EPB41L1: variants seen among roughly 807,000 people sequenced by gnomAD.
EPB41L1 encodes the protein band 4.1-like protein 1.
EPB41L1 carries 29 observed loss-of-function variants against 97.8 expected under a neutral mutation model. The ratio of observed to expected loss-of-function variants is 0.30; its 90% CI spans 0.22 to 0.40. The LOEUF (loss-of-function observed/expected upper bound fraction) is 0.40. EPB41L1 is among the 10% of genes least tolerant of loss of function. The pLI is 1.00. For missense variants in EPB41L1, 812 were observed against 1,162.3 expected (o/e 0.70, Z 4.38); for synonymous variants, 383 against 459.2 (o/e 0.83, Z 2.12).
At chr20:36,137,239 G>A (rs913743651) in intron 2 of EPB41L1, among the ~76,000 whole-genome samples, 1 of 151,010 alleles carries the variant, frequency 6.6e-6, no homozygotes, top group Non-Finnish European at 1.5e-5. Flanking sequence ...ATCACACCTG[G>A]CTAATTTTTT....
intron 1 of EPB41L1, among the ~76,000 whole-genome samples, chr20:36,109,198 C>T (rs537175917): frequency 3.3e-5 from 5 of 152,204 alleles, no homozygotes; most frequent in Admixed American, 6.5e-5. Context: ...CCGCCTGCCT[C>T]GGCCTCCCAA....
intron 3 of EPB41L1, among the ~76,000 whole-genome samples, chr20:36,176,433 G>T (rs1028353757): frequency 6.6e-6 from 1 of 152,102 alleles, no homozygotes; most frequent in African/African-American, 2.4e-5. Flanking sequence ...GGCAGCATTC[G>T]TGGCCCTTCT....
At position 36,136,334 on chromosome 20, in the gene EPB41L1, CTAAGT is replaced by C. The variant is rs1199638741; in HGVS notation, c.-10+23856_-10+23860del. On this transcript the variant is annotated intron_variant, in intron 2 of 19. Coordinates refer to the EPB41L1 transcript ENST00000202028. ...TACAGGCACATGCAACTGTGCCCGG[CTAAGT>C]TTTTTTTTTTTTTTTTTTTTTGGAG... is the stretch of plus-strand genomic sequence containing the variant. 2.8e-5 allele frequency among the ~76,000 whole-genome samples: 4 copies of C among 145,424 alleles called. No individual in the cohort carries two copies. The East Asian group carries it at 8.1e-4, about 30-fold the overall frequency.
intron 2 of EPB41L1, among the ~76,000 whole-genome samples, chr20:36,146,914 A>C (rs1431323565): frequency 6.6e-6 from 1 of 152,132 alleles, no homozygotes; most frequent in Non-Finnish European, 1.5e-5. Flanking sequence ...TGGGAGGCCA[A>C]GGTGAGTAGA....
chr20:36,133,086 C>G (rs2059282010), intron 2 of EPB41L1, among the ~76,000 whole-genome samples: 1 of 152,250 alleles, frequency 6.6e-6, no homozygotes, highest in Non-Finnish European at 1.5e-5. Context: ...CCCATAATTA[C>G]TTTATTATGT....
At chr20:36,174,481 C>T (rs2061139197) in intron 2 of EPB41L1, among the ~76,000 whole-genome samples, 1 of 152,092 alleles carries the variant, frequency 6.6e-6, no homozygotes, top group Admixed American at 6.5e-5. Flanking sequence ...CCATATTGGC[C>T]AGGCTGGTCT....
intron 13 of EPB41L1, chr20:36,197,540 T>A (rs769083217): frequency 1.4e-4 from 100 of 714,472 alleles, no homozygotes; most frequent in Non-Finnish European, 1.6e-4. Context: ...CACAGGGAAC[T>A]CACCCAGACC....
chr20:36,159,845 T>C (rs1417795032), intron 1 of EPB41L1, among the ~76,000 whole-genome samples: 1 of 152,256 alleles, frequency 6.6e-6, no homozygotes. Context: ...TTTTACTAGC[T>C]GTGAGGCAAT....
At chr20:36,176,412 A>G (rs1243602217) in intron 3 of EPB41L1, among the ~76,000 whole-genome samples, 1 of 152,090 alleles carries the variant, frequency 6.6e-6, no homozygotes, top group African/African-American at 2.4e-5. Flanking sequence ...TAGAGGTTCT[A>G]TCCCTGCCGA....
At chr20:36,222,813 G>GTC (rs918671986) in intron 21 of EPB41L1, among the ~76,000 whole-genome samples, 51 of 152,160 alleles carry the variant, frequency 3.4e-4, no homozygotes, top group East Asian at 5.8e-4. Context: ...CTGGCCCTGA[G>GTC]TCTCTCTCTC....
chr20:36,209,909 G>A lies in EPB41L1; in HGVS notation c.2079+11G>A. 19 of 1,612,620 alleles carry A rather than the reference G, an allele frequency of 1.2e-5. No individual in the cohort carries two copies. The highest frequency in any genetic ancestry group is 1.6e-5 in the Non-Finnish European group (19 of 1,179,814). ...ATGCCCCAGTTTGAGGTACAGTGGA[G>A]CTTCCTCAAGAGCCAGGCCCGCTGG... On this transcript the variant is annotated intron_variant, in intron 15 of 21. Coordinates refer to ENST00000338074, the MANE Select transcript of EPB41L1 (RefSeq NM_012156.2). The surrounding 1 kb of genome is among the most constrained non-coding windows in gnomAD (Gnocchi z 4.2).
intron 21 of EPB41L1, among the ~76,000 whole-genome samples, chr20:36,225,590 G>A (rs1355683161): frequency 6.6e-6 from 1 of 152,184 alleles, no homozygotes; most frequent in South Asian, 2.1e-4. Context: ...CCGTAGGTCC[G>A]TTTCTTCCCG....
At chr20:36,171,869 A>G (rs1438353807) in intron 1 of EPB41L1, among the ~76,000 whole-genome samples, 9 of 152,084 alleles carry the variant, frequency 5.9e-5, no homozygotes, top group Admixed American at 5.9e-4. Flanking sequence ...AATCTCTCTC[A>G]TGTAATATGA....
intron 16 of EPB41L1, among the ~76,000 whole-genome samples, chr20:36,213,661 C>T (rs894284046): frequency 6.6e-6 from 1 of 152,048 alleles, no homozygotes; most frequent in Non-Finnish European, 1.5e-5. Context: ...GGCCCTAGAT[C>T]CCACAGCCCA....
At chr20:36,155,107 TGGGGGTTGGCG>T (rs1408087093) in intron 1 of EPB41L1, 3 of 508,016 alleles carry the variant, frequency 5.9e-6, no homozygotes, top group Non-Finnish European at 1.1e-5. Context: ...ATCCGGAGGC[TGGGGGTTGGCG>T]GGGGGTTGGT....
intron 1 of EPB41L1, among the ~76,000 whole-genome samples, chr20:36,096,683 C>G (rs2057842375): frequency 6.6e-6 from 1 of 152,230 alleles, no homozygotes; most frequent in Non-Finnish European, 1.5e-5. Context: ...ATTCTTAGAG[C>G]TCTCTGTGTC....
chr20:36,126,196 G>A (rs1269608136), intron 2 of EPB41L1, among the ~76,000 whole-genome samples: 1 of 152,078 alleles, frequency 6.6e-6, no homozygotes, highest in Non-Finnish European at 1.5e-5. Context: ...GATGAGGAAG[G>A]CCTCCTGTGG....
chr20:36,231,705 AGTGGCATTCCCCCTG>A lies in EPB41L1; in HGVS notation c.*2369_*2383del, dbSNP rs1835021583. 1 of 152,518 alleles carries A rather than the reference AGTGGCATTCCCCCTG, an allele frequency of 6.6e-6. No homozygotes were observed. Among genetic ancestry groups the A allele is most frequent in the Non-Finnish European group, 1.5e-5 (1 of 68,136 alleles). The allele number at this position is 152,518 out of a possible 1,614,324, so 9.4% of individuals were successfully genotyped here. ...GGAAGTTCAGCGGGGCAGCAGAATCAGTGGCATTCCCCCTGGTGCAGGCCGGTGGGTCCACTCCAA... is the reference window on the plus strand; with the variant it reads ...GGAAGTTCAGCGGGGCAGCAGAATCAGTGCAGGCCGGTGGGTCCACTCCAA... On this transcript the variant is annotated 3_prime_UTR_variant, in exon 22 of 22. Transcript: ENST00000338074.
intron 1 of EPB41L1, among the ~76,000 whole-genome samples, chr20:36,172,807 G>A (rs2061050708): frequency 6.6e-6 from 1 of 152,144 alleles, no homozygotes; most frequent in Non-Finnish European, 1.5e-5. Flanking sequence ...CACCATGTTG[G>A]CCAGGTTGTC....
Sources: gnomAD v4.1 joint callset for allele counts (sites outside exome capture counted in the v4.1 genomes callset) on GRCh38, gnomAD v4.1.1 for gene constraint, Gnocchi (gnomAD v3.1) non-coding constraint, MANE v1.5 for transcripts, NCBI Gene and HGNC (gene_info 2026-07-23, HGNC 2026-07-21) for gene names.